The following MCF2L variants were observed in gnomAD, a reference collection of about 807,000 sequenced individuals.
MCF2L encodes guanine nucleotide exchange factor DBS.
In MCF2L, 97 loss-of-function variants were observed where a neutral mutation model predicts 153.4. That is an observed-to-expected ratio of 0.63 (90% CI 0.54 to 0.75). The LOEUF (loss-of-function observed/expected upper bound fraction) is 0.75, where lower values mean the gene tolerates loss of function less well. Ranked by LOEUF, MCF2L falls within the 30% of genes least tolerant of loss-of-function variation. The probability of loss-of-function intolerance (pLI) is 0.00; values close to 1 mark genes in which losing one functional copy is unlikely to be tolerated. For synonymous variants in MCF2L, 659 were observed against 632.2 expected, an observed-to-expected ratio of 1.04 and a Z score of -0.64; for missense variants, 1,347 against 1,495.2, an observed-to-expected ratio of 0.90 and a Z score of 1.64.
intron 16 of MCF2L, 70 bp from the exon 17 acceptor site, chr13:113,082,357 T>C: frequency 2.2e-6 from 2 of 889,172 alleles, no homozygotes; most frequent in South Asian, 2.7e-5. Flanking sequence ...TGAGCCGGCA[T>C]CCCTGGCCCA....
At chr13:112,979,392 C>G (rs2082321404) in intron 1 of MCF2L, 1 of 1,368,298 alleles carries the variant, frequency 7.3e-7, no homozygotes, top group Non-Finnish European at 9.4e-7. Flanking sequence ...TCCAGGCGTG[C>G]AGGGCAGTGG....
rs537471204 is a variant in MCF2L at position 113,034,878 on chromosome 13, T to G, written c.278+10120T>G. Among the ~76,000 whole-genome samples the G allele has an allele frequency of 4.5e-3, 667 of 147,842 alleles. 3 individuals are homozygous for G. Among genetic ancestry groups the G allele is most frequent in the African/African-American group, 0.016 (612 of 38,306 alleles). ...AGCCACAGATCGGAGGTGAGGAAGG[T>G]CTGCCCGAGGTGAGGAAGGTCTGCC... is the stretch of plus-strand genomic sequence containing the variant. On this transcript the variant is annotated intron_variant, in intron 3 of 29. Transcript: ENST00000535094.
chr13:113,087,907 C>T (rs968503378), intron 23 of MCF2L, 108 bp downstream of exon 23: 10 of 889,078 alleles, frequency 1.1e-5, no homozygotes, highest in South Asian at 2.9e-5. Flanking sequence ...CAGGAGCAGC[C>T]GCTGTACACT....
At chr13:112,923,481 G>T (rs552594470) in intron 2 of MCF2L, among the ~76,000 whole-genome samples, 106 of 152,060 alleles carry the variant, frequency 7.0e-4, no homozygotes, top group African/African-American at 2.4e-3. Context: ...AGCCAGGATG[G>T]TCTCAATCTC....
intron 2 of MCF2L, among the ~76,000 whole-genome samples, chr13:113,020,260 G>C (rs2084791630): frequency 6.6e-6 from 1 of 152,226 alleles, no homozygotes; most frequent in South Asian, 2.1e-4. Flanking sequence ...AGTTTCTAAA[G>C]CCGTGTTTGG....
upstream of MCF2L, among the ~76,000 whole-genome samples, chr13:112,967,303 C>T (rs961692439): frequency 2.6e-5 from 4 of 151,828 alleles, no homozygotes; most frequent in African/African-American, 9.7e-5. Context: ...GCAATTGTGC[C>T]GCCGTAGGCA....
rs560463225 is a variant in MCF2L, at chr13:113,012,738, C to T, written c.80-2025C>T. Among the ~76,000 whole-genome samples, 300 of 109,338 alleles carry T rather than the reference C, an allele frequency of 2.7e-3. 8 individuals carry two copies. Among genetic ancestry groups the T allele is most frequent in the African/African-American group, 0.01 (294 of 29,238 alleles). The allele number at this position is 109,338 out of a possible 152,430, so 71.7% of individuals were successfully genotyped here. The stretch of plus-strand genomic sequence containing the variant: ...GTGGACGGTGGACAGGCAGTGTGGA[C>T]GGTGGACACTGTGATGCGGACGGTG... On this transcript the variant is annotated intron_variant, in intron 1 of 29. Transcript: ENST00000535094.
In MCF2L at chr13:113,099,233, C is replaced by T. The variant is rs1234477448; in HGVS notation, c.*2374C>T. ...CTCAAAACACAGCAAAGTTGGCAGTCGGCAGACAGCAATGTTGACTGTCAT... is the reference window on the plus strand; with the variant it reads ...CTCAAAACACAGCAAAGTTGGCAGTTGGCAGACAGCAATGTTGACTGTCAT... On this transcript the variant is annotated 3_prime_UTR_variant, in exon 30 of 30. Coordinates refer to ENST00000535094, the MANE Select transcript of MCF2L (RefSeq NM_001112732.3). 1.3e-5 allele frequency: 2 copies of T among 152,152 alleles called. No homozygotes were observed. Among genetic ancestry groups the T allele is most frequent in the East Asian group, 1.9e-4 (1 of 5,194 alleles). The allele number at this position is 152,152 out of a possible 1,614,324, so 9.4% of individuals were successfully genotyped here.
chr13:113,070,047 C>T lies in MCF2L; in HGVS notation c.882-12C>T. 3.1e-6 allele frequency: 5 copies of T among 1,601,704 alleles called. 1 individual carries two copies. The Middle Eastern group carries it at 5.0e-4, about 160-fold the overall frequency. On this transcript the variant is annotated splice_polypyrimidine_tract_variant and intron_variant, in intron 8 of 29. Coordinates refer to ENST00000535094, the MANE Select transcript of MCF2L (RefSeq NM_001112732.3). The surrounding 1 kb of genome is among the most constrained non-coding windows in gnomAD (Gnocchi z 5.6). The stretch of plus-strand genomic sequence containing the variant: ...TGGGCCACACAGACGGTCAACTCCT[C>T]CTCTTTCCCAGGCTCCTGGCCCAGC...
At chr13:112,912,113 A>T (rs1219066677) in intron 2 of MCF2L, among the ~76,000 whole-genome samples, 1 of 152,170 alleles carries the variant, frequency 6.6e-6, no homozygotes, top group Non-Finnish European at 1.5e-5. Flanking sequence ...CGGGCCCAGC[A>T]GTCACATCCT....
chr13:113,007,834 A>G (rs555187175), intron 1 of MCF2L, among the ~76,000 whole-genome samples: 40 of 152,280 alleles, frequency 2.6e-4, no homozygotes, highest in Non-Finnish European at 5.3e-4. Context: ...ATCCCTGCAC[A>G]CACGTGTGGC....
chr13:113,087,935 G>GC, intron 23 of MCF2L, 136 bp downstream of exon 23: 1 of 723,050 alleles, frequency 1.4e-6, no homozygotes, highest in Non-Finnish European at 2.4e-6. Flanking sequence ...GCTGCCCTGG[G>GC]CTGTCTTCAC....
chr13:113,049,764 G>A lies in MCF2L; in HGVS notation c.369+4403G>A, dbSNP rs772020024. ...CAAGCGCTCGGCCACCGAGGAGGACGCAGCGCTTACATAATGTGCCGGGAT... is the reference window on the plus strand; with the variant it reads ...CAAGCGCTCGGCCACCGAGGAGGACACAGCGCTTACATAATGTGCCGGGAT... On this transcript the variant is annotated intron_variant, in intron 4 of 29. Coordinates refer to ENST00000535094, the MANE Select transcript of MCF2L (RefSeq NM_001112732.3). Among the ~76,000 whole-genome samples the A allele has an allele frequency of 1.2e-4, 19 of 152,232 alleles. No homozygotes were observed. In the East Asian group the frequency reaches 1.5e-3, roughly 12 times the overall value.
At chr13:112,962,323 A>T (rs1454804818) in intron 2 of MCF2L, among the ~76,000 whole-genome samples, 2 of 152,110 alleles carry the variant, frequency 1.3e-5, no homozygotes, top group African/African-American at 4.8e-5. Flanking sequence ...GCACATACAC[A>T]TACACACCTG....
At chr13:112,982,801 G>A (rs2082485410) in intron 1 of MCF2L, among the ~76,000 whole-genome samples, 1 of 152,144 alleles carries the variant, frequency 6.6e-6, no homozygotes. Context: ...GTGACGTCTG[G>A]GCTGGAGCTG....
At chr13:113,033,435 G>A (rs1433668207) in intron 3 of MCF2L, among the ~76,000 whole-genome samples, 1 of 128,954 alleles carries the variant, frequency 7.8e-6, no homozygotes, top group African/African-American at 2.9e-5. Flanking sequence ...CCCATGATGT[G>A]AGTGGCCCCC....
chr13:113,093,566 C>T (rs924890079), intron 26 of MCF2L: 1 of 127,684 alleles, frequency 7.8e-6, no homozygotes, highest in Non-Finnish European at 1.7e-5. Context: ...CATCCGTGCA[C>T]GCAGCTCCTC....
intron 15 of MCF2L, among the ~76,000 whole-genome samples, chr13:113,080,441 C>A (rs977939202): frequency 6.6e-6 from 1 of 152,210 alleles, no homozygotes; most frequent in African/African-American, 2.4e-5. Context: ...GTCCTCTCCC[C>A]TGTGCCGAGT....
At chr13:112,899,206 T>C (rs573675823) in intron 1 of MCF2L, among the ~76,000 whole-genome samples, 1 of 152,192 alleles carries the variant, frequency 6.6e-6, no homozygotes, top group Non-Finnish European at 1.5e-5. Flanking sequence ...CGTGTCTGCA[T>C]CTGTAGACAG....
Sources: allele counts gnomAD v4.1 joint callset (sites outside exome capture counted in the v4.1 genomes callset), GRCh38; gene constraint gnomAD v4.1.1; non-coding constraint Gnocchi (gnomAD v3.1); transcripts MANE v1.5; gene names NCBI Gene and HGNC (gene_info 2026-07-23, HGNC 2026-07-21).